Variants in GDF10 observed in about 807,000 individuals in gnomAD.
The protein encoded by GDF10 is growth/differentiation factor 10.
In GDF10, 23 loss-of-function variants were observed where a neutral mutation model predicts 32.1. That is an observed-to-expected ratio of 0.72 (90% CI 0.52 to 1.02). The LOEUF (loss-of-function observed/expected upper bound fraction) is 1.02. GDF10 is among the 50% of genes least tolerant of loss of function. GDF10 has a pLI of 0.00. For synonymous variants in GDF10, 328 were observed against 303.1 expected, an observed-to-expected ratio of 1.08 and a Z score of -0.85; for missense variants, 764 against 673.9, an observed-to-expected ratio of 1.13 and a Z score of -1.48.
Position 47,310,340 on chromosome 10 carries a change from G to C in GDF10, c.864G>C (p.Val288=). Residue 288 remains valine, a synonymous_variant, in exon 2 of 3, where the codon GTG becomes GTC. Transcript: ENST00000580279. ...AAPNNSADPR[V]RRAAQATGPL... ...CCAACAACTCAGCGGACCCCCGCGT[G>C]CGCCGAGCCGCGCAGGCCACTGGGC... is the stretch of plus-strand genomic sequence containing the variant. The C allele has an allele frequency of 1.9e-6, 3 of 1,604,316 alleles. No individual in the cohort carries two copies. Among genetic ancestry groups the C allele is most frequent in the Non-Finnish European group, 1.7e-6 (2 of 1,176,238 alleles).
Position 47,309,998 on chromosome 10 carries a change from C to T in GDF10, c.522C>T (p.Phe174=), listed in dbSNP as rs1347260032. 1 of 1,610,642 alleles carries T rather than the reference C, an allele frequency of 6.2e-7. No individual in the cohort carries two copies. Among genetic ancestry groups the T allele is most frequent in the Non-Finnish European group, 8.5e-7 (1 of 1,178,676 alleles). The change falls in exon 2 of 3, where the codon TTC becomes TTT. Residue 174 remains phenylalanine (F), a synonymous_variant. Coordinates refer to ENST00000580279, the MANE Select transcript of GDF10 (RefSeq NM_004962.5). ...CGCCCACACGCCAGCACCTGCTCTT[C>T]CGCAGCCTCTCGCAGAACACGGCCA... The part of the protein sequence containing the change: ...LGPPTRQHLL[F]RSLSQNTATQ...
chr10:47,310,074 C>G lies in GDF10; in HGVS notation c.598C>G (p.Leu200Val), dbSNP rs1000479269. 2.5e-6 allele frequency: 4 copies of G among 1,606,792 alleles called. No homozygotes were observed. Among genetic ancestry groups the G allele is most frequent in the Non-Finnish European group, 3.4e-6 (4 of 1,177,602 alleles). Reference sequence around the variant, plus strand: ...GGCCCTGGCGCCCCCACCGCGCGGCCTGTGGCAGGCCAAGGACATCTCCCC... The same window carrying G: ...GGCCCTGGCGCCCCCACCGCGCGGCGTGTGGCAGGCCAAGGACATCTCCCC... The part of the protein sequence containing the change: ...AMALAPPPRG[L>V]WQAKDISPIV... The change falls in exon 2 of 3, where the codon CTG (leucine) becomes GTG (valine). Residue 200 changes from leucine to valine, a missense_variant. Leu to Val is a conservative substitution (Grantham distance 32). Coordinates refer to ENST00000580279, the MANE Select transcript of GDF10 (RefSeq NM_004962.5).
chr10:47,307,570 G>A (rs921853055), intron 1 of GDF10, among the ~76,000 whole-genome samples: 1 of 152,164 alleles, frequency 6.6e-6, no homozygotes, highest in Non-Finnish European at 1.5e-5. Context: ...GACCCATCTT[G>A]TCCCCAGCAG....
At chr10:47,305,159 G>A (rs1555207112) in intron 1 of GDF10, among the ~76,000 whole-genome samples, 3 of 152,220 alleles carry the variant, frequency 2.0e-5, no homozygotes, top group Non-Finnish European at 2.9e-5. Context: ...AAGGGCTGGA[G>A]GAGAAGTGAG....
chr10:47,312,555 G>A, intron 2 of GDF10, 46 bp from the exon 3 acceptor site: 1 of 1,295,112 alleles, frequency 7.7e-7, no homozygotes, highest in Non-Finnish European at 1.1e-6. Flanking sequence ...TGCGTGGGTG[G>A]GTGAGGGCGG....
intron 1 of GDF10, among the ~76,000 whole-genome samples, chr10:47,304,245 G>T (rs2061014533): frequency 6.6e-6 from 1 of 152,118 alleles, no homozygotes; most frequent in Non-Finnish European, 1.5e-5. Flanking sequence ...CGGACAAATA[G>T]GTTGCAAGCA....
chr10:47,309,973 C>A lies in GDF10; in HGVS notation c.497C>A (p.Pro166Gln). 1 of 1,611,528 alleles carries A rather than the reference C, an allele frequency of 6.2e-7. No homozygotes were observed. The highest frequency in any genetic ancestry group is 8.5e-7 in the Non-Finnish European group (1 of 1,179,030). The change falls in exon 2 of 3, where the codon CCG becomes CAG. Residue 166 changes from proline to glutamine, a missense_variant. Coordinates refer to ENST00000580279, the MANE Select transcript of GDF10 (RefSeq NM_004962.5). ...TCAGGCCGCCCGCTGCCCCTGGGCC[C>A]GCCCACACGCCAGCACCTGCTCTTC... The part of the protein sequence containing the change: ...NASGRPLPLG[P>Q]PTRQHLLFRS...
In GDF10 at chr10:47,312,880, C is replaced by T. The variant is rs1419280758; in HGVS notation, c.*88C>T. On this transcript the variant is annotated 3_prime_UTR_variant, in exon 3 of 3. Coordinates refer to ENST00000580279, the MANE Select transcript of GDF10 (RefSeq NM_004962.5). ...CCAGGACTTGTGGTGCAGCTGCAGA[C>T]ACAGAGCACAGCTCATGGGCAACAT... The T allele has an allele frequency of 6.1e-6, 5 of 817,106 alleles. No homozygotes were observed. The East Asian group carries it at 1.4e-4, about 22-fold the overall frequency. The allele number at this position is 817,106 out of a possible 1,614,324, so 50.6% of individuals were successfully genotyped here. A position where few individuals can be genotyped will look rare whatever the true frequency, so the allele number is the denominator to read the frequency against.
At chr10:47,306,163 G>T (rs934293974) in intron 1 of GDF10, among the ~76,000 whole-genome samples, 1 of 152,178 alleles carries the variant, frequency 6.6e-6, no homozygotes, top group South Asian at 2.1e-4. Flanking sequence ...GATGAATCAA[G>T]CATGCAGAAC....
chr10:47,310,011 C>A lies in GDF10; in HGVS notation c.535C>A (p.Gln179Lys). 3.1e-6 allele frequency: 5 copies of A among 1,609,464 alleles called. No individual in the cohort carries two copies. The highest frequency in any genetic ancestry group is 4.2e-6 in the Non-Finnish European group (5 of 1,178,082). ...RQHLLFRSLS[Q>K]NTATQGLLRG... ...GCACCTGCTCTTCCGCAGCCTCTCG[C>A]AGAACACGGCCACACAGGGGCTACT... is the stretch of plus-strand genomic sequence containing the variant. The change falls in exon 2 of 3, where the codon CAG becomes AAG. Residue 179 changes from glutamine to lysine, a missense_variant. By Grantham distance (53) the Gln-to-Lys change is moderately conservative. Transcript: ENST00000580279.
chr10:47,303,501 T>C (rs150346664), intron 1 of GDF10, among the ~76,000 whole-genome samples: 2 of 152,300 alleles, frequency 1.3e-5, no homozygotes, highest in East Asian at 1.9e-4. Context: ...CCCCTCCTTA[T>C]AGGATTTTTT....
chr10:47,310,136 C>T lies in GDF10; in HGVS notation c.660C>T (p.Leu220=), dbSNP rs782241332. The T allele has an allele frequency of 9.3e-6, 15 of 1,611,452 alleles. No homozygotes were observed. The African/African-American group carries it at 1.5e-4, about 16-fold the overall frequency. Residue 220 remains leucine (L), a synonymous_variant, in exon 2 of 3, where the codon CTC becomes CTT. Transcript: ENST00000580279. ...CGGCCCGCCGGGATGGCGAGCTGCT[C>T]CTCTCCGCCCAGCTGGATTCTGAGG... ...VKAARRDGEL[L]LSAQLDSEER... is the part of the protein sequence containing the mutation.
At chr10:47,304,623 A>G (rs1223001691) in intron 1 of GDF10, among the ~76,000 whole-genome samples, 4 of 152,194 alleles carry the variant, frequency 2.6e-5, no homozygotes, top group African/African-American at 9.7e-5. Context: ...TGTCTCCACT[A>G]TCTATATCTC....
intron 1 of GDF10, among the ~76,000 whole-genome samples, chr10:47,303,887 G>A (rs782584494): frequency 4.6e-5 from 7 of 152,186 alleles, no homozygotes; most frequent in Non-Finnish European, 7.3e-5. Context: ...TAAGCACTTC[G>A]TTTGGTAGCA....
intron 2 of GDF10, among the ~76,000 whole-genome samples, chr10:47,312,338 C>T (rs2061049491): frequency 6.6e-6 from 1 of 152,200 alleles, no homozygotes; most frequent in Non-Finnish European, 1.5e-5. Flanking sequence ...GTTGGGGACA[C>T]AGCGTGCCTC....
chr10:47,312,283 C>T (rs1316504245), intron 2 of GDF10, among the ~76,000 whole-genome samples: 8 of 152,160 alleles, frequency 5.3e-5, no homozygotes, highest in African/African-American at 1.7e-4. Context: ...CCTGGTGCTC[C>T]GCGGGGATGT....
intron 1 of GDF10, among the ~76,000 whole-genome samples, chr10:47,303,887 G>T: frequency 6.6e-6 from 1 of 152,304 alleles, no homozygotes; most frequent in Middle Eastern, 3.4e-3. Flanking sequence ...TAAGCACTTC[G>T]TTTGGTAGCA....
chr10:47,303,782 T>A (rs1190848277), intron 1 of GDF10, among the ~76,000 whole-genome samples: 1 of 152,166 alleles, frequency 6.6e-6, no homozygotes, highest in Non-Finnish European at 1.5e-5. Context: ...TGATACTGAG[T>A]TGGTTTTCTT....
At chr10:47,301,058 C>G (rs1249266707) in intron 1 of GDF10, 88 bp downstream of exon 1, 2 of 838,750 alleles carry the variant, frequency 2.4e-6, no homozygotes, top group Admixed American at 3.5e-5. Context: ...TCTACTTTTC[C>G]TCTTCTAGCC....
Sources: allele counts gnomAD v4.1 joint callset (sites outside exome capture counted in the v4.1 genomes callset), GRCh38; gene constraint gnomAD v4.1.1; transcripts MANE v1.5; gene names NCBI Gene and HGNC (gene_info 2026-07-23, HGNC 2026-07-21).